The following NDUFAF5 variants were observed in gnomAD, a reference collection of about 807,000 sequenced individuals.
The protein encoded by NDUFAF5 is NADH:ubiquinone oxidoreductase complex assembly factor 5, also known as arginine-hydroxylase NDUFAF5, mitochondrial.
NDUFAF5 carries 34 observed loss-of-function variants against 48.9 expected under a neutral mutation model. The ratio of observed to expected loss-of-function variants is 0.70; its 90% confidence interval spans 0.53 to 0.93. The LOEUF is 0.93. NDUFAF5 is among the 40% of genes least tolerant of loss of function. NDUFAF5 has a pLI of 0.00. For synonymous variants in NDUFAF5, 153 were observed against 150.6 expected (o/e 1.02, Z -0.12); for missense variants, 428 against 427.5 (o/e 1.00, Z -0.01).
rs1014532276 is a variant in NDUFAF5, at chr20:13,820,416, G to A, written c.*3206G>A. The A allele has an allele frequency of 4.6e-5, 7 of 152,084 alleles. No individual in the cohort carries two copies. Among genetic ancestry groups the A allele is most frequent in the Admixed American group, 2.6e-4 (4 of 15,274 alleles). The allele number at this position is 152,084 out of a possible 1,614,324, so 9.4% of individuals were successfully genotyped here. On this transcript the variant is annotated 3_prime_UTR_variant, in exon 11 of 11. Transcript: ENST00000378106. ...TAAAGACATGTACAGTTTTTTGGCC[G>A]GCTGCAGTGGCTCACACCTGTGATC...
intron 5 of NDUFAF5, among the ~76,000 whole-genome samples, 158 bp from the exon 6 acceptor site, chr20:13,798,303 T>G (rs1342415673): frequency 6.6e-6 from 1 of 152,260 alleles, no homozygotes; most frequent in Non-Finnish European, 1.5e-5. Flanking sequence ...GGAATATTTA[T>G]AATTTTAAAA....
intron 8 of NDUFAF5, 59 bp downstream of exon 8, chr20:13,808,961 AT>A: frequency 8.9e-7 from 1 of 1,118,216 alleles, no homozygotes; most frequent in Non-Finnish European, 1.4e-6. Flanking sequence ...AAAAAAAAGA[AT>A]TTTTAGACTC....
intron 4 of NDUFAF5, among the ~76,000 whole-genome samples, chr20:13,794,342 C>T (rs894957377): frequency 4.0e-5 from 6 of 151,582 alleles, no homozygotes; most frequent in African/African-American, 7.3e-5. Flanking sequence ...TGCAGTGGTG[C>T]GATCTCAGCT....
chr20:13,793,349 C>G, intron 4 of NDUFAF5, 122 bp downstream of exon 4: 1 of 881,070 alleles, frequency 1.1e-6, no homozygotes. Context: ...GGAACTCATA[C>G]AGGAAATATC....
intron 7 of NDUFAF5, among the ~76,000 whole-genome samples, chr20:13,805,492 A>G (rs1185289737): frequency 6.6e-6 from 1 of 152,138 alleles, no homozygotes; most frequent in Non-Finnish European, 1.5e-5. Context: ...CTCATACTTT[A>G]ATATAATATA....
Position 13,807,423 on chromosome 20 carries a change from C to T in NDUFAF5, c.718-1419C>T, listed in dbSNP as rs554284696. 9.9e-5 allele frequency among the ~76,000 whole-genome samples: 15 copies of T among 151,830 alleles called. 1 individual carries two copies. In the South Asian group the frequency reaches 1.0e-3, roughly 11 times the overall value. ...TGTCTTAGACATCGTTTCAGATCCA[C>T]TTTTTTTTATAGACCCATAGAATAC... On this transcript the variant is annotated intron_variant, in intron 7 of 10. Transcript: ENST00000378106.
At position 13,821,296 on chromosome 20, in the gene NDUFAF5, A is replaced by T. The variant is rs1986966026; in HGVS notation, c.*4086A>T. ...TAATAAAAGGCATTGCATCCTCCTT[A>T]CTCTCTCTTGGATCCTTCACTCTAG... On this transcript the variant is annotated 3_prime_UTR_variant, in exon 11 of 11. Transcript: ENST00000378106. 1 of 152,036 alleles carries T rather than the reference A, an allele frequency of 6.6e-6. No individual in the cohort carries two copies. The highest frequency in any genetic ancestry group is 1.5e-5 in the Non-Finnish European group (1 of 68,024). 9.4% of individuals were successfully genotyped at this position (152,036 alleles called of 1,614,324 possible).
At chr20:13,798,856 C>G (rs141430722) in intron 6 of NDUFAF5, among the ~76,000 whole-genome samples, 30 of 152,266 alleles carry the variant, frequency 2.0e-4, no homozygotes, top group African/African-American at 7.0e-4. Context: ...TGTATTTTCT[C>G]CATGCCTTAT....
chr20:13,788,880 C>T (rs940771710), intron 3 of NDUFAF5, among the ~76,000 whole-genome samples: 3 of 150,436 alleles, frequency 2.0e-5, no homozygotes, highest in African/African-American at 4.9e-5. Flanking sequence ...ATGTTTCTAC[C>T]GATAATTTAT....
intron 5 of NDUFAF5, among the ~76,000 whole-genome samples, chr20:13,796,588 C>T (rs1347527080): frequency 6.6e-6 from 1 of 152,136 alleles, no homozygotes; most frequent in East Asian, 1.9e-4. Context: ...TAAGGGGAGG[C>T]AGTTATACCA....
intron 2 of NDUFAF5, 69 bp downstream of exon 2, chr20:13,787,421 GAACTTGC>G: frequency 7.0e-7 from 1 of 1,423,054 alleles, no homozygotes; most frequent in South Asian, 1.1e-5. Flanking sequence ...TAAATGCTGA[GAACTTGC>G]TATCTGAAAT....
chr20:13,788,777 GTTTTTTTTTTT>G (rs1981675502), intron 3 of NDUFAF5, 125 bp downstream of exon 3: 2 of 488,942 alleles, frequency 4.1e-6, no homozygotes, highest in South Asian at 5.7e-5. Flanking sequence ...TTGTTAATTT[GTTTTTTTTTTT>G]AAGTGGTAGA....
intron 3 of NDUFAF5, among the ~76,000 whole-genome samples, chr20:13,789,308 G>A (rs1417906435): frequency 2.6e-5 from 4 of 151,846 alleles, no homozygotes; most frequent in Non-Finnish European, 5.9e-5. Flanking sequence ...GGGATTATGG[G>A]GGTGCACCAC....
At chr20:13,815,319 G>T (rs1014710655) in intron 8 of NDUFAF5, among the ~76,000 whole-genome samples, 4 of 152,146 alleles carry the variant, frequency 2.6e-5, no homozygotes, top group African/African-American at 7.2e-5. Context: ...TCACTTTAAA[G>T]ACCACAGATG....
Position 13,813,698 on chromosome 20 carries a change from G to A in NDUFAF5, c.779-2765G>A, listed in dbSNP as rs113768984. Among the ~76,000 whole-genome samples, 5 of 152,190 alleles carry A rather than the reference G, an allele frequency of 3.3e-5. No individual in the cohort carries two copies. The East Asian group carries it at 9.6e-4, about 29-fold the overall frequency. ...GGGTCAGGAATGCTTTTGCAAAAGAGGCAGCACCTAAACGAAAATGAGTTT... is the reference window on the plus strand; with the variant it reads ...GGGTCAGGAATGCTTTTGCAAAAGAAGCAGCACCTAAACGAAAATGAGTTT... On this transcript the variant is annotated intron_variant, in intron 8 of 10. Transcript: ENST00000378106.
At chr20:13,795,000 T>G in intron 5 of NDUFAF5, 59 bp downstream of exon 5, 1 of 1,264,376 alleles carries the variant, frequency 7.9e-7, no homozygotes, top group South Asian at 1.2e-5. Flanking sequence ...TGCCATAAAG[T>G]TTTGCTATGA....
chr20:13,798,712 G>A (rs1226573754), intron 6 of NDUFAF5, among the ~76,000 whole-genome samples: 1 of 152,164 alleles, frequency 6.6e-6, no homozygotes, highest in Non-Finnish European at 1.5e-5. Flanking sequence ...GTAGAGATAA[G>A]TTTTAAATAT....
intron 6 of NDUFAF5, among the ~76,000 whole-genome samples, chr20:13,799,635 G>T (rs1377392187): frequency 2.0e-5 from 3 of 151,430 alleles, no homozygotes; most frequent in Admixed American, 6.6e-5. Flanking sequence ...GGAGGCAGAG[G>T]TTGCAGTGAG....
At chr20:13,794,743 A>C (rs556603315) in intron 4 of NDUFAF5, 95 bp from the exon 5 acceptor site, 1 of 853,586 alleles carries the variant, frequency 1.2e-6, no homozygotes, top group East Asian at 2.6e-5. Context: ...TGCCAAGTAA[A>C]TATAACATTG....
Sources: allele counts gnomAD v4.1 joint callset (sites outside exome capture counted in the v4.1 genomes callset), GRCh38; gene constraint gnomAD v4.1.1; transcripts MANE v1.5; gene names NCBI Gene and HGNC (gene_info 2026-07-23, HGNC 2026-07-21).